The following TBPL2 variants were observed in gnomAD, a reference collection of about 807,000 sequenced individuals.
TBPL2 encodes TATA box-binding protein-like 2.
Under a neutral mutation model 38.2 loss-of-function variants are expected in TBPL2, and 40 were observed. The observed-to-expected ratio is 1.05, with a 90% CI of 0.81 to 1.36. TBPL2 has a LOEUF of 1.36. Ranked by LOEUF, TBPL2 falls within the 40% of genes most tolerant of loss-of-function variation. The pLI is 0.00. For synonymous variants in TBPL2, 169 were observed against 171.7 expected (o/e 0.98, Z 0.12); for missense variants, 461 against 456.7 (o/e 1.01, Z -0.09).
intron 5 of TBPL2, among the ~76,000 whole-genome samples, chr14:55,424,983 G>A (rs906869504): frequency 1.3e-5 from 2 of 152,102 alleles, no homozygotes; most frequent in Admixed American, 6.6e-5. Context: ...TCAAAGCAGT[G>A]GCTAATGGAC....
intron 5 of TBPL2, among the ~76,000 whole-genome samples, 158 bp from the exon 6 acceptor site, chr14:55,424,411 G>A (rs1885789530): frequency 6.6e-6 from 1 of 152,186 alleles, no homozygotes; most frequent in Non-Finnish European, 1.5e-5. Context: ...AGAGTCTTGA[G>A]TGTCCTAGGT....
intron 1 of TBPL2, among the ~76,000 whole-genome samples, chr14:55,438,610 C>A (rs531346933): frequency 6.6e-6 from 1 of 152,146 alleles, no homozygotes; most frequent in Admixed American, 6.5e-5. Context: ...CAAAGCTACA[C>A]GTACACAAGA....
chr14:55,414,343 T>A, exon 7 of TBPL2: 1 of 1,507,568 alleles, frequency 6.6e-7, no homozygotes, highest in Non-Finnish European at 9.1e-7. Context: ...ATGGACATAT[T>A]CAAACCAGAA....
chr14:55,417,184 G>A lies in TBPL2; in HGVS notation c.1052-2729C>T, dbSNP rs139618058. On this transcript the variant is annotated intron_variant, in intron 6 of 6. Coordinates refer to ENST00000247219, the Ensembl canonical transcript of TBPL2. Reference sequence around the variant, plus strand: ...AAGGCATAAGAAACAGATGTTACCTGAACCATACAGCAGCAGCTGTGGGAG... The same window carrying A: ...AAGGCATAAGAAACAGATGTTACCTAAACCATACAGCAGCAGCTGTGGGAG... Among the ~76,000 whole-genome samples the A allele has an allele frequency of 2.7e-4, 41 of 152,290 alleles. No individual in the cohort carries two copies. The East Asian group carries it at 7.5e-3, about 28-fold the overall frequency.
chr14:55,439,278 T>A (rs1336267178), intron 1 of TBPL2, among the ~76,000 whole-genome samples: 28 of 133,880 alleles, frequency 2.1e-4, no homozygotes, highest in Middle Eastern at 3.8e-3. Context: ...TAATTAACTT[T>A]AAAAAAAAAA....
chr14:55,430,423 A>T (rs1467523957), intron 4 of TBPL2, among the ~76,000 whole-genome samples: 1 of 133,816 alleles, frequency 7.5e-6, no homozygotes, highest in Non-Finnish European at 1.6e-5. Flanking sequence ...AAAAAAAAAA[A>T]GAGATTGGGT....
intron 4 of TBPL2, among the ~76,000 whole-genome samples, chr14:55,432,360 C>T (rs1291649982): frequency 2.0e-5 from 3 of 150,996 alleles, no homozygotes; most frequent in African/African-American, 7.3e-5. Context: ...TTGCAGTGAG[C>T]CCAGATCACA....
intron 4 of TBPL2, 76 bp from the exon 5 acceptor site, chr14:55,429,050 T>A (rs1885880408): frequency 6.6e-7 from 1 of 1,515,868 alleles, no homozygotes; most frequent in Non-Finnish European, 9.0e-7. Context: ...ATTGGATTGT[T>A]ACCATTTGTA....
chr14:55,435,808 G>T, intron 3 of TBPL2, 39 bp downstream of exon 3: 1 of 1,318,056 alleles, frequency 7.6e-7, no homozygotes, highest in Non-Finnish European at 1.0e-6. Flanking sequence ...TAAATCTAAA[G>T]AGAAGCTAAT....
At chr14:55,423,048 T>C (rs1885769180) in intron 6 of TBPL2, among the ~76,000 whole-genome samples, 1 of 152,032 alleles carries the variant, frequency 6.6e-6, no homozygotes, top group Non-Finnish European at 1.5e-5. Context: ...TATAGTAAAC[T>C]CAAATCCCGA....
chr14:55,429,786 A>G (rs1594792576), intron 4 of TBPL2, among the ~76,000 whole-genome samples: 4 of 151,350 alleles, frequency 2.6e-5, no homozygotes, highest in East Asian at 3.9e-4. Context: ...AAAAAAAAAA[A>G]AAAGAAAACA....
chr14:55,436,996 G>T (rs1291755435), exon 2 of TBPL2: 1 of 1,614,058 alleles, frequency 6.2e-7, no homozygotes. Context: ...GAACAGGGGA[G>T]ACCTGGGTGG....
At chr14:55,432,696 A>G (rs996240687) in intron 4 of TBPL2, among the ~76,000 whole-genome samples, 1 of 152,232 alleles carries the variant, frequency 6.6e-6, no homozygotes, top group African/African-American at 2.4e-5. Flanking sequence ...CCCAGTGTCC[A>G]CAGGATAAAA....
chr14:55,439,177 G>A (rs1886064437), intron 1 of TBPL2, among the ~76,000 whole-genome samples: 2 of 151,482 alleles, frequency 1.3e-5, no homozygotes, highest in South Asian at 4.2e-4. Context: ...GACCTCAAAT[G>A]AGCCACGTGC....
intron 4 of TBPL2, among the ~76,000 whole-genome samples, chr14:55,430,398 TAAAAAAAAA>T (rs370880582): frequency 1.5e-3 from 182 of 119,802 alleles, no homozygotes; most frequent in Non-Finnish European, 2.4e-3. Flanking sequence ...TCACCCACTT[TAAAAAAAAA>T]AAAAAAAAAA....
intron 6 of TBPL2, among the ~76,000 whole-genome samples, chr14:55,420,072 G>T (rs1031265330): frequency 9.2e-5 from 14 of 151,834 alleles, no homozygotes; most frequent in African/African-American, 2.4e-4. Flanking sequence ...GGTTTTTTTT[G>T]TTTGTTTGTT....
At chr14:55,429,688 C>T (rs1184341658) in intron 4 of TBPL2, among the ~76,000 whole-genome samples, 1 of 147,496 alleles carries the variant, frequency 6.8e-6, no homozygotes, top group Non-Finnish European at 1.5e-5. Flanking sequence ...ATCACTTGAA[C>T]CTGGGAGGCA....
In TBPL2 at chr14:55,433,629, C is replaced by A. The variant is rs371131864; in HGVS notation, c.788+1G>T. On this transcript the variant is annotated splice_donor_variant, in intron 4 of 6. Transcript: ENST00000247219. LOFTEE classifies it high-confidence loss of function. ...AGGGGTGGAGGGATGATTCCTCATACCTTTTGGCTCCCGTGCAGACCATCT... is the reference window on the plus strand; with the variant it reads ...AGGGGTGGAGGGATGATTCCTCATAACTTTTGGCTCCCGTGCAGACCATCT... 6.8e-6 allele frequency: 11 copies of A among 1,613,574 alleles called. No homozygotes were observed. The highest frequency in any genetic ancestry group is 1.3e-5 in the African/African-American group (1 of 74,910).
chr14:55,435,517 A>G (rs1447883570), intron 3 of TBPL2, among the ~76,000 whole-genome samples: 1 of 152,038 alleles, frequency 6.6e-6, no homozygotes, highest in African/African-American at 2.4e-5. Flanking sequence ...CTCGTGATCC[A>G]CCTGCCTCAG....
Sources: gnomAD v4.1 joint callset for allele counts (sites outside exome capture counted in the v4.1 genomes callset) on GRCh38, gnomAD v4.1.1 for gene constraint, MANE v1.5 for transcripts, NCBI Gene and HGNC (gene_info 2026-07-23, HGNC 2026-07-21) for gene names.